ACSM4: variants seen among roughly 807,000 people sequenced by gnomAD.
ACSM4 encodes the protein acyl-CoA synthetase medium chain family member 4, also known as acyl-coenzyme A synthetase ACSM4, mitochondrial.
ACSM4 carries 66 observed loss-of-function variants against 73.0 expected under a neutral mutation model. That is an observed-to-expected ratio of 0.90 (90% CI 0.74 to 1.11). The LOEUF (loss-of-function observed/expected upper bound fraction) is 1.11, where lower values mean the gene tolerates loss of function less well. Among genes scored for constraint, ACSM4 ranks in the 50% least tolerant of loss-of-function variants. ACSM4 has a pLI of 0.00. For synonymous variants in ACSM4, 222 were observed against 254.0 expected (o/e 0.87, Z 1.20); for missense variants, 645 against 714.4 (o/e 0.90, Z 1.11).
intron 6 of ACSM4, among the ~76,000 whole-genome samples, chr12:7,321,504 T>A (rs1322549967): frequency 6.6e-6 from 1 of 152,208 alleles, no homozygotes. Context: ...CAAACATGGA[T>A]CTTCTCTTTT....
At chr12:7,327,767 T>G (rs1265193093) in intron 12 of ACSM4, among the ~76,000 whole-genome samples, 1 of 152,216 alleles carries the variant, frequency 6.6e-6, no homozygotes, top group Non-Finnish European at 1.5e-5. Flanking sequence ...AATCAGTGAC[T>G]GTTGACTTTC....
rs544173043 is a variant in ACSM4 at position 7,323,465 on chromosome 12, G to C, written c.1213G>C (p.Asp405His). ...GMLPYDVQII[D>H]ENGNVLPPGK... ...ATTATTTCTTTCATTCCAGATTATA[G>C]ATGAAAATGGCAATGTTCTACCACC... is the stretch of plus-strand genomic sequence containing the variant. The change falls in exon 9 of 13, where the codon GAT becomes CAT. Residue 405 changes from aspartate (D) to histidine (H), a missense_variant. By Grantham distance (81) the Asp-to-His change is moderately conservative. Coordinates refer to ENST00000399422, the MANE Select transcript of ACSM4 (RefSeq NM_001080454.2). 9.2e-5 allele frequency: 148 copies of C among 1,613,618 alleles called. 1 individual carries two copies. The highest frequency in any genetic ancestry group is 4.9e-4 in the Middle Eastern group (3 of 6,082).
chr12:7,317,151 A>T lies in ACSM4; in HGVS notation c.635A>T (p.Glu212Val). 1.2e-6 allele frequency: 2 copies of T among 1,611,898 alleles called. No individual in the cohort carries two copies. The change falls in exon 4 of 13, where the codon GAG (glutamate) becomes GTG (valine). Residue 212 changes from glutamate (E) to valine (V), a missense_variant. By Grantham distance (121) the Glu-to-Val change is moderately radical. Transcript: ENST00000399422. Reference protein sequence around the residue: ...FQELFQFASEEHSCVETGSQE... With the variant: ...FQELFQFASEVHSCVETGSQE... ...ATATTTTGCAGATTCGCCTCTGAAG[A>T]GCACAGCTGTGTGGAAACAGGAAGT...
At chr12:7,307,434 G>C (rs898495681) in intron 2 of ACSM4, among the ~76,000 whole-genome samples, 5 of 152,090 alleles carry the variant, frequency 3.3e-5, no homozygotes, top group African/African-American at 1.2e-4. Context: ...AGATGATCCA[G>C]ATAACTTCTC....
chr12:7,326,398 T>C (rs764134842), intron 11 of ACSM4, among the ~76,000 whole-genome samples: 1 of 152,294 alleles, frequency 6.6e-6, no homozygotes, highest in South Asian at 2.1e-4. Context: ...TTTGTAGAGA[T>C]GGGGTCTCAC....
chr12:7,326,937 A>G (rs747064340), intron 11 of ACSM4, 39 bp from the exon 12 acceptor site: 26 of 1,549,292 alleles, frequency 1.7e-5, no homozygotes, highest in South Asian at 1.2e-4. Context: ...ATGTGTCTGA[A>G]AAACAAATGA....
chr12:7,304,611 C>T (rs1182015066), intron 1 of ACSM4, 79 bp downstream of exon 1: 3 of 1,438,570 alleles, frequency 2.1e-6, no homozygotes, highest in Admixed American at 1.8e-5. Context: ...CTGTGGTCTA[C>T]CACTTAATTC....
rs184742647 is a variant in ACSM4, at chr12:7,304,597, T to A, written c.201+65T>A. The stretch of plus-strand genomic sequence containing the variant: ...CTTATCTCTCAGTCTTCCATTTCCT[T>A]GTTCTGTGGTCTACCACTTAATTCC... On this transcript the variant is annotated intron_variant, in intron 1 of 12. Coordinates refer to ENST00000399422, the MANE Select transcript of ACSM4 (RefSeq NM_001080454.2). 14 of 1,519,196 alleles carry A rather than the reference T, an allele frequency of 9.2e-6. No homozygotes were observed. In the East Asian group the frequency reaches 3.2e-4, roughly 34 times the overall value. The allele number at this position is 1,519,196 out of a possible 1,614,324, so 94.1% of individuals were successfully genotyped here. A position where few individuals can be genotyped will look rare whatever the true frequency, so the allele number is the denominator to read the frequency against.
At chr12:7,311,509 A>C (rs192936180) in intron 3 of ACSM4, among the ~76,000 whole-genome samples, 1 of 152,296 alleles carries the variant, frequency 6.6e-6, no homozygotes, top group Non-Finnish European at 1.5e-5. Context: ...ACTACCTAGA[A>C]TAGAACTACA....
intron 12 of ACSM4, among the ~76,000 whole-genome samples, chr12:7,327,877 A>G (rs1464512012): frequency 1.3e-5 from 2 of 152,130 alleles, no homozygotes; most frequent in African/African-American, 4.8e-5. Flanking sequence ...AGAAGGGAAA[A>G]CTGTATATAC....
In ACSM4 at chr12:7,318,061, G is replaced by A. The variant is rs942332048; in HGVS notation, c.800G>A (p.Trp267Ter). 3.1e-6 allele frequency: 5 copies of A among 1,613,662 alleles called. No homozygotes were observed. In the Admixed American group the frequency reaches 5.0e-5, roughly 16 times the overall value. ...WLDLKSSDII[W>*]NMSDTGWVKA... ...GACTTGAAGTCCTCAGATATCATAT[G>A]GAATATGTCTGACACGGGCTGGGTC... The change falls in exon 5 of 13, where the codon TGG becomes TAG. Residue 267 changes from tryptophan to a stop codon, truncating the protein, a stop_gained. Transcript: ENST00000399422. LOFTEE classifies it high-confidence loss of function.
intron 2 of ACSM4, among the ~76,000 whole-genome samples, chr12:7,309,090 G>C (rs1483316531): frequency 6.6e-6 from 1 of 152,190 alleles, no homozygotes. Flanking sequence ...ATTCACTTTA[G>C]AAAGTACAAA....
At chr12:7,321,003 GCCAGTAGCACCTCCT>G (rs1274143012) in intron 6 of ACSM4, among the ~76,000 whole-genome samples, 199 bp downstream of exon 6, 3 of 152,092 alleles carry the variant, frequency 2.0e-5, no homozygotes, top group African/African-American at 7.2e-5. Context: ...TCTATTAGAC[GCCAGTAGCACCTCCT>G]CCTCCCCATT....
chr12:7,317,285 G>A lies in ACSM4; in HGVS notation c.764+5G>A. 1 of 1,550,276 alleles carries A rather than the reference G, an allele frequency of 6.5e-7. No homozygotes were observed. Among genetic ancestry groups the A allele is most frequent in the East Asian group, 2.4e-5 (1 of 41,246 alleles). ...TGGGTTCACCCTCTGCGGAAGGTAG[G>A]GAAGAAAATTCAGTTTGTTTTTGGT... On this transcript the variant is annotated splice_donor_5th_base_variant and intron_variant, in intron 4 of 12. Coordinates refer to ENST00000399422, the MANE Select transcript of ACSM4 (RefSeq NM_001080454.2).
chr12:7,323,862 T>C (rs1470285742), intron 9 of ACSM4, among the ~76,000 whole-genome samples: 1 of 152,146 alleles, frequency 6.6e-6, no homozygotes, highest in Non-Finnish European at 1.5e-5. Context: ...GTATTTTATA[T>C]TACAAACTAT....
intron 6 of ACSM4, among the ~76,000 whole-genome samples, chr12:7,321,458 C>T (rs1177948318): frequency 6.6e-6 from 1 of 152,180 alleles, no homozygotes; most frequent in Non-Finnish European, 1.5e-5. Context: ...AGTGTGGTTG[C>T]CCAAGAGGGA....
rs759351342 is a variant in ACSM4 at position 7,324,301 on chromosome 12, T to A, written c.1337T>A (p.Ile446Lys). The change falls in exon 10 of 13, where the codon ATA (isoleucine) becomes AAA (lysine). Residue 446 changes from isoleucine (I) to lysine (K), a missense_variant. Transcript: ENST00000399422. ...VDNPQKTAAT[I>K]RGDFYVTGDR... ...AATCCACAGAAAACTGCTGCCACGATAAGAGGAGATTTTTATGTCACTGGA... is the reference window on the plus strand; with the variant it reads ...AATCCACAGAAAACTGCTGCCACGAAAAGAGGAGATTTTTATGTCACTGGA... 2 of 1,613,532 alleles carry A rather than the reference T, an allele frequency of 1.2e-6. No homozygotes were observed. The highest frequency in any genetic ancestry group is 1.7e-6 in the Non-Finnish European group (2 of 1,179,778).
intron 2 of ACSM4, 102 bp downstream of exon 2, chr12:7,306,845 G>GAAAAAAAAAAA: frequency 3.0e-6 from 1 of 332,948 alleles, no homozygotes; most frequent in South Asian, 1.0e-4. Context: ...GCATACAGAA[G>GAAAAAAAAAAA]ACAAAAAAAA....
rs1304727854 is a variant in ACSM4, at chr12:7,326,970, T to G, written c.1537-6T>G. 3.1e-6 allele frequency: 5 copies of G among 1,592,948 alleles called. No individual in the cohort carries two copies. In the African/African-American group the frequency reaches 6.7e-5, roughly 22 times the overall value. On this transcript the variant is annotated splice_region_variant and splice_polypyrimidine_tract_variant and intron_variant, in intron 11 of 12. Coordinates refer to ENST00000399422, the MANE Select transcript of ACSM4 (RefSeq NM_001080454.2). ...TGAGCAAGATAAATTAACTTTTCTG[T>G]TGCAGGTGGTGAAAGCTTTTGTTGT...
Sources: allele counts gnomAD v4.1 joint callset (sites outside exome capture counted in the v4.1 genomes callset), GRCh38; gene constraint gnomAD v4.1.1; transcripts MANE v1.5; gene names NCBI Gene and HGNC (gene_info 2026-07-23, HGNC 2026-07-21).